Variants in SLC12A1 observed in about 807,000 individuals in gnomAD.
The protein encoded by SLC12A1 is solute carrier family 12 member 1.
Under a neutral mutation model 130.4 loss-of-function variants are expected in SLC12A1, and 89 were observed. The ratio of observed to expected loss-of-function variants is 0.68; its 90% confidence interval spans 0.58 to 0.81. The LOEUF (loss-of-function observed/expected upper bound fraction) is 0.81, where lower values mean the gene tolerates loss of function less well. Ranked by LOEUF, SLC12A1 falls within the 40% of genes least tolerant of loss-of-function variation. The pLI is 0.00. For missense variants in SLC12A1, 1,310 were observed against 1,336.4 expected (o/e 0.98, Z 0.31); for synonymous variants, 499 against 460.0 (o/e 1.08, Z -1.09).
At position 48,207,551 on chromosome 15, in the gene SLC12A1, A is replaced by G; in HGVS notation, c.-169A>G. 2 of 468,928 alleles carry G rather than the reference A, an allele frequency of 4.3e-6. No individual in the cohort carries two copies. Among genetic ancestry groups the G allele is most frequent in the East Asian group, 6.6e-5 (2 of 30,416 alleles). 29.0% of individuals were successfully genotyped at this position (468,928 alleles called of 1,614,324 possible). ...AATGACAGCTTTGAAGAACATCCTG[A>G]AGATTATATCGGAGACAATATATCA... On this transcript the variant is annotated 5_prime_UTR_variant, in exon 2 of 27. Transcript: ENST00000380993.
chr15:48,300,337 AAGAG>A (rs201418943), intron 25 of SLC12A1, among the ~76,000 whole-genome samples: 17 of 152,016 alleles, frequency 1.1e-4, no homozygotes, highest in African/African-American at 3.6e-4. Flanking sequence ...AAAAAAAAAA[AAGAG>A]AGAGAGAAAT....
chr15:48,282,697 G>GTT (rs1935798042), intron 20 of SLC12A1, among the ~76,000 whole-genome samples: 1 of 152,066 alleles, frequency 6.6e-6, no homozygotes, highest in African/African-American at 2.4e-5. Flanking sequence ...ATATAGAACC[G>GTT]TATCTTTAGG....
chr15:48,214,246 C>T (rs771170417), intron 2 of SLC12A1, among the ~76,000 whole-genome samples: 21 of 151,948 alleles, frequency 1.4e-4, no homozygotes, highest in Admixed American at 8.5e-4. Context: ...CCGGGGAGCT[C>T]ACACTATTAA....
rs950992349 is a variant in SLC12A1 at position 48,251,832 on chromosome 15, G to A, written c.1942+62G>A. 2.7e-6 allele frequency: 4 copies of A among 1,473,534 alleles called. No homozygotes were observed. In the African/African-American group the frequency reaches 5.6e-5, roughly 21 times the overall value. 91.3% of individuals were successfully genotyped at this position (1,473,534 alleles called of 1,614,324 possible). On this transcript the variant is annotated intron_variant, in intron 15 of 26. Transcript: ENST00000380993. The stretch of plus-strand genomic sequence containing the variant: ...CTCTCTCTAACTACTCATTTATTAA[G>A]CATTTATTGAGCAGCTTCTATGGGC...
At chr15:48,206,773 GATT>G (rs2040987688) in intron 1 of SLC12A1, among the ~76,000 whole-genome samples, 1 of 152,130 alleles carries the variant, frequency 6.6e-6, no homozygotes, top group South Asian at 2.1e-4. Context: ...AGTAGAGCAT[GATT>G]ATTTTACCTA....
intron 26 of SLC12A1, 106 bp downstream of exon 26, chr15:48,301,488 TTTTGTG>T: frequency 1.6e-6 from 1 of 619,872 alleles, no homozygotes; most frequent in Non-Finnish European, 2.4e-6. Flanking sequence ...TTTGTTTTGT[TTTTGTG>T]TTTTTTTTGG....
In SLC12A1 at chr15:48,302,906, AT is replaced by A; in HGVS notation, c.*25del. 6.4e-7 allele frequency: 1 copy of A among 1,564,276 alleles called. No homozygotes were observed. The highest frequency in any genetic ancestry group is 8.8e-7 in the Non-Finnish European group (1 of 1,138,078). On this transcript the variant is annotated 3_prime_UTR_variant, in exon 27 of 27. Coordinates refer to ENST00000380993, the MANE Select transcript of SLC12A1 (RefSeq NM_000338.3). ...CTTAAAACATGAAAGATTGGAATAC[AT>A]TTTAACTTAATGTAATGCATAATTA...
chr15:48,283,706 T>A (rs1487340439), intron 20 of SLC12A1, among the ~76,000 whole-genome samples: 2 of 152,248 alleles, frequency 1.3e-5, no homozygotes, highest in Non-Finnish European at 2.9e-5. Context: ...GATAACGCAA[T>A]GGGCTCCAAG....
chr15:48,234,347 C>T (rs1474292798), intron 8 of SLC12A1, among the ~76,000 whole-genome samples: 1 of 152,158 alleles, frequency 6.6e-6, no homozygotes, highest in Non-Finnish European at 1.5e-5. Flanking sequence ...AGAGCTATGT[C>T]ATAGAGATCT....
At chr15:48,221,232 CT>C in intron 4 of SLC12A1, 1 of 673,226 alleles carries the variant, frequency 1.5e-6, no homozygotes, top group South Asian at 1.6e-5. Flanking sequence ...GGAGATCTCT[CT>C]CTTTTGATAG....
chr15:48,226,233 T>C, intron 4 of SLC12A1: 2 of 436,492 alleles, frequency 4.6e-6, no homozygotes, highest in Non-Finnish European at 4.0e-6. Flanking sequence ...AAGTCAACTT[T>C]TCCTTTCCAA....
At chr15:48,290,872 T>C (rs2042112535) in intron 23 of SLC12A1, among the ~76,000 whole-genome samples, 1 of 152,182 alleles carries the variant, frequency 6.6e-6, no homozygotes, top group Non-Finnish European at 1.5e-5. Context: ...CAATATTTTA[T>C]TGGGACAATT....
intron 17 of SLC12A1, among the ~76,000 whole-genome samples, chr15:48,263,558 A>G (rs2041798637): frequency 6.6e-6 from 1 of 152,186 alleles, no homozygotes; most frequent in African/African-American, 2.4e-5. Flanking sequence ...ATAAAATTAA[A>G]TGAGACCTTT....
intron 19 of SLC12A1, among the ~76,000 whole-genome samples, chr15:48,273,528 C>T (rs1242887309): frequency 6.6e-6 from 1 of 152,198 alleles, no homozygotes; most frequent in Non-Finnish European, 1.5e-5. Flanking sequence ...TTCTACCTAA[C>T]ATAGAATCCA....
At chr15:48,296,307 A>T (rs565789013) in intron 24 of SLC12A1, among the ~76,000 whole-genome samples, 1 of 152,334 alleles carries the variant, frequency 6.6e-6, no homozygotes, top group African/African-American at 2.4e-5. Flanking sequence ...TGATGGAGGA[A>T]TTTTATCATA....
At chr15:48,208,576 G>A (rs1364258925) in intron 2 of SLC12A1, among the ~76,000 whole-genome samples, 4 of 152,228 alleles carry the variant, frequency 2.6e-5, no homozygotes, top group African/African-American at 9.6e-5. Context: ...GCCTCCCAAA[G>A]AGATGGGATT....
At chr15:48,231,623 A>G (rs1395314136) in intron 7 of SLC12A1, among the ~76,000 whole-genome samples, 4 of 152,152 alleles carry the variant, frequency 2.6e-5, no homozygotes, top group Non-Finnish European at 5.9e-5. Flanking sequence ...CCTACTCCAT[A>G]AGGTTGTCAG....
intron 24 of SLC12A1, among the ~76,000 whole-genome samples, chr15:48,298,698 C>T (rs1362514129): frequency 6.6e-6 from 1 of 152,196 alleles, no homozygotes; most frequent in Non-Finnish European, 1.5e-5. Context: ...GTAGCCATAT[C>T]CATTTCCTAC....
rs1235923638 is a variant in SLC12A1 at position 48,299,244 on chromosome 15, C to T, written c.3065C>T (p.Thr1022Ile). The T allele has an allele frequency of 1.3e-5, 21 of 1,607,094 alleles. No homozygotes were observed. The Admixed American group carries it at 3.2e-4, about 25-fold the overall frequency. The change falls in exon 25 of 27, where the codon ACA becomes ATA. Residue 1022 changes from threonine (T) to isoleucine (I), a missense_variant. Thr to Ile is a moderately conservative substitution (Grantham distance 89). Coordinates refer to ENST00000380993, the MANE Select transcript of SLC12A1 (RefSeq NM_000338.3). Reference sequence around the variant, plus strand: ...AAAAGAGAAACTCCGTGGAAAATTACAGATGCAGAACTGGAAGCAGTCAAG... The same window carrying T: ...AAAAGAGAAACTCCGTGGAAAATTATAGATGCAGAACTGGAAGCAGTCAAG... Reference protein sequence around the residue: ...KLKRETPWKITDAELEAVKEK... With the variant: ...KLKRETPWKIIDAELEAVKEK...
Sources: gnomAD v4.1 joint callset for allele counts (sites outside exome capture counted in the v4.1 genomes callset) on GRCh38, gnomAD v4.1.1 for gene constraint, MANE v1.5 for transcripts, NCBI Gene and HGNC (gene_info 2026-07-23, HGNC 2026-07-21) for gene names.